The following SV2B variants were observed in gnomAD, a reference collection of about 807,000 sequenced individuals.
SV2B encodes solute carrier family 22 member B2.
Under a neutral mutation model 73.9 loss-of-function variants are expected in SV2B, and 41 were observed. The observed-to-expected ratio is 0.56, with a 90% CI of 0.43 to 0.72. The LOEUF (loss-of-function observed/expected upper bound fraction) is 0.72. SV2B is among the 30% of genes least tolerant of loss of function. SV2B has a pLI of 0.00. For missense variants in SV2B, 764 were observed against 857.8 expected (o/e 0.89, Z 1.37); for synonymous variants, 314 against 314.2 (o/e 1.00, Z 0.01).
At chr15:91,166,046 C>T (rs1023234523) in intron 1 of SV2B, among the ~76,000 whole-genome samples, 1 of 152,166 alleles carries the variant, frequency 6.6e-6, no homozygotes, top group African/African-American at 2.4e-5. Context: ...TGTTTTCTGG[C>T]TTCCATGATT....
intron 1 of SV2B, among the ~76,000 whole-genome samples, chr15:91,116,529 A>C (rs1747256409): frequency 6.6e-6 from 1 of 152,180 alleles, no homozygotes; most frequent in Non-Finnish European, 1.5e-5. Flanking sequence ...CTTCACAATG[A>C]CAGGATTGTT....
intron 9 of SV2B, among the ~76,000 whole-genome samples, chr15:91,269,405 T>C (rs1480006665): frequency 2.0e-5 from 3 of 152,232 alleles, no homozygotes; most frequent in Non-Finnish European, 4.4e-5. Flanking sequence ...TTGTGAATGG[T>C]AAGTAAATGG....
chr15:91,274,391 T>G (rs1334351680), intron 9 of SV2B, among the ~76,000 whole-genome samples: 1 of 152,244 alleles, frequency 6.6e-6, no homozygotes, highest in Admixed American at 6.5e-5. Flanking sequence ...AGATAGGGAT[T>G]GTTAATTTTT....
chr15:91,208,309 C>T (rs572903565), intron 1 of SV2B, among the ~76,000 whole-genome samples: 1 of 151,598 alleles, frequency 6.6e-6, no homozygotes, highest in South Asian at 2.1e-4. Flanking sequence ...TGCAGATAAC[C>T]TCTTTTTTCT....
In SV2B at chr15:91,241,157, A is replaced by G. The variant is rs1442211055; in HGVS notation, c.452-10662A>G. On this transcript the variant is annotated intron_variant, in intron 2 of 12. Coordinates refer to ENST00000394232, the MANE Select transcript of SV2B (RefSeq NM_001323032.3). This position sits in a 1 kb window ranked among gnomAD's most constrained non-coding sequence, Gnocchi z 4.8. ...CATTATCCTGGTCTGTCGTTTCCTT[A>G]AAGTCCTCTCCAATCTTTAGACTTT... Among the ~76,000 whole-genome samples the G allele has an allele frequency of 1.3e-5, 2 of 152,170 alleles. No homozygotes were observed. Among genetic ancestry groups the G allele is most frequent in the Non-Finnish European group, 2.9e-5 (2 of 68,028 alleles).
At chr15:91,282,434 AC>A (rs1196158888) in intron 10 of SV2B, among the ~76,000 whole-genome samples, 10 of 152,274 alleles carry the variant, frequency 6.6e-5, no homozygotes, top group African/African-American at 2.4e-4. Flanking sequence ...TACTTTTACT[AC>A]CCTCATCATA....
rs1421251331 is a variant in SV2B at position 91,140,527 on chromosome 15, G to C, written c.-392+40164G>C. Among the ~76,000 whole-genome samples the C allele has an allele frequency of 6.6e-6, 1 of 152,114 alleles. No homozygotes were observed. Among genetic ancestry groups the C allele is most frequent in the Non-Finnish European group, 1.5e-5 (1 of 68,012 alleles). On this transcript the variant is annotated intron_variant, in intron 1 of 12. Transcript: ENST00000394232. This position sits in a 1 kb window ranked among gnomAD's most constrained non-coding sequence, Gnocchi z 4.4. The stretch of plus-strand genomic sequence containing the variant: ...TTCCCACACACTTCTGGCTGAAACT[G>C]GCCCCTAGTTAGCACTAGCTCATTC...
Position 91,299,301 on chromosome 15 carries a change from T to G in SV2B, c.*6749T>G, listed in dbSNP as rs1389202574. 1 of 152,190 alleles carries G rather than the reference T, an allele frequency of 6.6e-6. No individual in the cohort carries two copies. Among genetic ancestry groups the G allele is most frequent in the Non-Finnish European group, 1.5e-5 (1 of 68,028 alleles). 9.4% of individuals were successfully genotyped at this position (152,190 alleles called of 1,614,324 possible). On this transcript the variant is annotated 3_prime_UTR_variant, in exon 13 of 13. Coordinates refer to ENST00000394232, the MANE Select transcript of SV2B (RefSeq NM_001323032.3). ...CAAATGACTGTTTTTTATTAAAACA[T>G]TCCTCCAAAAGAACGGCAAAGCAAA...
intron 1 of SV2B, among the ~76,000 whole-genome samples, chr15:91,219,597 G>T (rs573488281): frequency 2.6e-5 from 4 of 152,186 alleles, no homozygotes; most frequent in African/African-American, 9.6e-5. Flanking sequence ...ATATTTTTTT[G>T]GGGGTGGGGC....
rs775793546 is a variant in SV2B at position 91,106,221 on chromosome 15, G to A, written c.-392+5858G>A. 2.0e-5 allele frequency among the ~76,000 whole-genome samples: 3 copies of A among 152,128 alleles called. No individual in the cohort carries two copies. Among genetic ancestry groups the A allele is most frequent in the Non-Finnish European group, 4.4e-5 (3 of 68,020 alleles). On this transcript the variant is annotated intron_variant, in intron 1 of 12. Coordinates refer to ENST00000394232, the MANE Select transcript of SV2B (RefSeq NM_001323032.3). This position sits in a 1 kb window ranked among gnomAD's most constrained non-coding sequence, Gnocchi z 4.4. ...TGAGGTGGAGAGGAAACAGTGATGG[G>A]GTTTAATTGGATATCCAATGGGAGA...
intron 1 of SV2B, among the ~76,000 whole-genome samples, chr15:91,112,324 A>G (rs1459931204): frequency 6.6e-6 from 1 of 152,174 alleles, no homozygotes; most frequent in Non-Finnish European, 1.5e-5. Flanking sequence ...GCAAGTGGTG[A>G]GATCGCCGCT....
At chr15:91,202,702 T>G (rs2045503640) in intron 1 of SV2B, among the ~76,000 whole-genome samples, 1 of 151,994 alleles carries the variant, frequency 6.6e-6, no homozygotes, top group African/African-American at 2.4e-5. Context: ...GGGGTGGTGA[T>G]GAAAGAAACA....
intron 1 of SV2B, among the ~76,000 whole-genome samples, chr15:91,180,022 G>A (rs964968771): frequency 1.5e-4 from 23 of 151,414 alleles, no homozygotes; most frequent in Non-Finnish European, 2.2e-4. Flanking sequence ...ATTTTGCAGC[G>A]GCTGGTACCG....
chr15:91,138,891 GAGAT>G (rs1364907125), intron 1 of SV2B, among the ~76,000 whole-genome samples: 1 of 152,164 alleles, frequency 6.6e-6, no homozygotes, highest in African/African-American at 2.4e-5. Flanking sequence ...GAATAAAAAA[GAGAT>G]AGCTTGGGAA....
At chr15:91,249,803 C>A (rs1203705978) in intron 2 of SV2B, among the ~76,000 whole-genome samples, 2 of 152,170 alleles carry the variant, frequency 1.3e-5, no homozygotes, top group East Asian at 3.8e-4. Flanking sequence ...AATCCGCCAA[C>A]ACTCAATTAT....
chr15:91,160,114 A>G (rs1337151719), intron 1 of SV2B, among the ~76,000 whole-genome samples: 1 of 152,238 alleles, frequency 6.6e-6, no homozygotes, highest in African/African-American at 2.4e-5. Context: ...TGGAAGATTA[A>G]CATCATAAAT....
chr15:91,145,809 T>A (rs1365698375), intron 1 of SV2B, among the ~76,000 whole-genome samples: 1 of 152,256 alleles, frequency 6.6e-6, no homozygotes, highest in Non-Finnish European at 1.5e-5. Context: ...TCTCTGTTGA[T>A]GTCCTTTGCC....
intron 2 of SV2B, among the ~76,000 whole-genome samples, chr15:91,247,561 G>T (rs761912826): frequency 7.9e-5 from 12 of 152,140 alleles, no homozygotes; most frequent in Non-Finnish European, 1.6e-4. Context: ...CTTGAAAAGG[G>T]GTTCCATAAA....
rs181124601 is a variant in SV2B, at chr15:91,119,154, G to A, written c.-392+18791G>A. Among the ~76,000 whole-genome samples the A allele has an allele frequency of 1.6e-4, 25 of 152,310 alleles. No homozygotes were observed. The East Asian group carries it at 4.8e-3, about 29-fold the overall frequency. On this transcript the variant is annotated intron_variant, in intron 1 of 12. Coordinates refer to ENST00000394232, the MANE Select transcript of SV2B (RefSeq NM_001323032.3). Reference sequence around the variant, plus strand: ...GAGCATATCTTTGCAAGGAGCAAAGGGTTGGCATTTCTAAGGGAATAAGCT... The same window carrying A: ...GAGCATATCTTTGCAAGGAGCAAAGAGTTGGCATTTCTAAGGGAATAAGCT...
Sources: allele counts gnomAD v4.1 joint callset (sites outside exome capture counted in the v4.1 genomes callset), GRCh38; gene constraint gnomAD v4.1.1; non-coding constraint Gnocchi (gnomAD v3.1); transcripts MANE v1.5; gene names NCBI Gene and HGNC (gene_info 2026-07-23, HGNC 2026-07-21).